The following SRCIN1 variants were observed in gnomAD, a reference collection of about 807,000 sequenced individuals.
SRCIN1 encodes the protein P130Cas-associated protein.
Under a neutral mutation model 116.2 loss-of-function variants are expected in SRCIN1, and 50 were observed. The ratio of observed to expected loss-of-function variants is 0.43; its 90% confidence interval spans 0.34 to 0.54. The LOEUF is 0.54. Ranked by LOEUF, SRCIN1 falls within the 20% of genes least tolerant of loss-of-function variation. The pLI, the probability that SRCIN1 is intolerant of heterozygous loss-of-function variation, is 0.02. For synonymous variants in SRCIN1, 736 were observed against 750.0 expected (o/e 0.98, Z 0.30); for missense variants, 1,446 against 1,672.0 (o/e 0.86, Z 2.36).
In SRCIN1 at chr17:38,564,245, G is replaced by A. The variant is rs763622046; in HGVS notation, c.414C>T (p.Tyr138=). 5 of 1,577,276 alleles carry A rather than the reference G, an allele frequency of 3.2e-6. No individual in the cohort carries two copies. The highest frequency in any genetic ancestry group is 2.3e-5 in the East Asian group (1 of 43,002). ...TGGTCTCCAGCGACTCGGCGGAGGC[G>A]TAGGACAGCTTTGCCGCCTGGTCTG... ...GLADQAAKLS[Y]ASAESLETMS... Residue 138 remains tyrosine, a synonymous_variant, in exon 4 of 19, where the codon TAC becomes TAT. Transcript: ENST00000617146.
At chr17:38,577,760 A>G (rs1907504575) in intron 2 of SRCIN1, among the ~76,000 whole-genome samples, 1 of 152,212 alleles carries the variant, frequency 6.6e-6, no homozygotes, top group South Asian at 2.1e-4. Context: ...GGAGAGATGC[A>G]TTCAGGACCC....
Position 38,568,821 on chromosome 17 carries a change from G to T in SRCIN1, c.325-590C>A, listed in dbSNP as rs1485586099. 6.6e-6 allele frequency among the ~76,000 whole-genome samples: 1 copy of T among 151,944 alleles called. No individual in the cohort carries two copies. Among genetic ancestry groups the T allele is most frequent in the Admixed American group, 6.6e-5 (1 of 15,246 alleles). ...GAGTGGTCATAACTGCTGAGAGAAA[G>T]TATTTAGACTTAACTGGGTGGACAA... On this transcript the variant is annotated intron_variant, in intron 2 of 18. Transcript: ENST00000617146. The surrounding 1 kb of genome is among the most constrained non-coding windows in gnomAD (Gnocchi z 4.5).
chr17:38,600,308 C>T (rs947642184), intron 1 of SRCIN1, among the ~76,000 whole-genome samples: 15 of 152,192 alleles, frequency 9.9e-5, no homozygotes, highest in Non-Finnish European at 1.6e-4. Flanking sequence ...CCAAGGCATG[C>T]GAAGAGGCTC....
At chr17:38,569,982 A>G (rs1906971942) in intron 2 of SRCIN1, among the ~76,000 whole-genome samples, 1 of 152,152 alleles carries the variant, frequency 6.6e-6, no homozygotes, top group Non-Finnish European at 1.5e-5. Context: ...CGCTCTGCAG[A>G]GAAGGCCTCA....
chr17:38,583,800 G>A lies in SRCIN1; in HGVS notation c.23-5009C>T, dbSNP rs9904892. On this transcript the variant is annotated intron_variant, in intron 1 of 18. Coordinates refer to ENST00000617146, the MANE Select transcript of SRCIN1 (RefSeq NM_025248.3). ...ACGCCTGACCTCAGGTGATCCGCCC[G>A]CCTCGGCCTCCCAAAGTGCTGGGAT... Among the ~76,000 whole-genome samples the A allele has an allele frequency of 3.6e-3, 550 of 152,122 alleles. 2 individuals are homozygous for A. The highest frequency in any genetic ancestry group is 0.013 in the African/African-American group (534 of 41,532).
At chr17:38,545,096 C>A (rs922301246) in intron 17 of SRCIN1, 6 of 152,746 alleles carry the variant, frequency 3.9e-5, no homozygotes, top group African/African-American at 1.4e-4. Flanking sequence ...TTGAGGATCT[C>A]CTCTGGGTAG....
chr17:38,543,979 G>C lies in SRCIN1; in HGVS notation c.3271-10C>G. On this transcript the variant is annotated splice_polypyrimidine_tract_variant and intron_variant, in intron 17 of 18. Coordinates refer to ENST00000617146, the MANE Select transcript of SRCIN1 (RefSeq NM_025248.3). ...CACTGCCTCCGCCACTCTGCAGGAA[G>C]AGGAACAGGGTTGCAGTTGCAGAGT... is the stretch of plus-strand genomic sequence containing the variant. 6.4e-7 allele frequency: 1 copy of C among 1,574,532 alleles called. No individual in the cohort carries two copies. Among genetic ancestry groups the C allele is most frequent in the Non-Finnish European group, 8.6e-7 (1 of 1,166,442 alleles).
chr17:38,603,657 G>A (rs1909191871), intron 1 of SRCIN1, among the ~76,000 whole-genome samples: 1 of 152,180 alleles, frequency 6.6e-6, no homozygotes, highest in African/African-American at 2.4e-5. Flanking sequence ...CCCCAAGGCA[G>A]GGTGGCAGGA....
rs772038151 is a variant in SRCIN1 at position 38,563,279 on chromosome 17, G to C, written c.740+44C>G. The C allele has an allele frequency of 4.5e-6, 7 of 1,548,682 alleles. No individual in the cohort carries two copies. Among genetic ancestry groups the C allele is most frequent in the Non-Finnish European group, 8.7e-7 (1 of 1,145,282 alleles). The stretch of plus-strand genomic sequence containing the variant: ...CGGGGTCCAGCACCCTGCAGAGGAG[G>C]AGCGTGGGGAAGCCCACCCAAATCC... On this transcript the variant is annotated intron_variant, in intron 5 of 18. Coordinates refer to ENST00000617146, the MANE Select transcript of SRCIN1 (RefSeq NM_025248.3). This position sits in a 1 kb window ranked among gnomAD's most constrained non-coding sequence, Gnocchi z 5.8.
chr17:38,548,560 T>A lies in SRCIN1; in HGVS notation c.3267A>T (p.Leu1089=). The change falls in exon 17 of 19, where the codon CTA becomes CTT. Residue 1089 remains leucine (L), a synonymous_variant. Coordinates refer to ENST00000617146, the MANE Select transcript of SRCIN1 (RefSeq NM_025248.3). The part of the protein sequence containing the change: ...EDDEDRIIAE[L]ESGGGSVPPM... ...GGCCAGGTGTGCCCTGACCTACCTCTAGCTCTGCGATGATGCGATCCTCGT... is the reference window on the plus strand; with the variant it reads ...GGCCAGGTGTGCCCTGACCTACCTCAAGCTCTGCGATGATGCGATCCTCGT... The A allele has an allele frequency of 1.2e-6, 2 of 1,611,080 alleles. No homozygotes were observed. The highest frequency in any genetic ancestry group is 1.7e-6 in the Non-Finnish European group (2 of 1,179,758).
At chr17:38,576,964 T>A (rs1907456031) in intron 2 of SRCIN1, among the ~76,000 whole-genome samples, 1 of 152,014 alleles carries the variant, frequency 6.6e-6, no homozygotes, top group South Asian at 2.1e-4. Flanking sequence ...ACTTTTTCAG[T>A]CAGCTCCCAC....
rs1439827175 is a variant in SRCIN1 at position 38,572,234 on chromosome 17, C to T, written c.325-4003G>A. On this transcript the variant is annotated intron_variant, in intron 2 of 18. Coordinates refer to ENST00000617146, the MANE Select transcript of SRCIN1 (RefSeq NM_025248.3). The surrounding 1 kb of genome is among the most constrained non-coding windows in gnomAD (Gnocchi z 4.3). ...CGAGTCAGCGTAAACACTCGTCCCC[C>T]GGGCTGGGGCTAAGCCACTCGCCCC... 1.3e-5 allele frequency among the ~76,000 whole-genome samples: 2 copies of T among 152,224 alleles called. No individual in the cohort carries two copies. The highest frequency in any genetic ancestry group is 4.8e-5 in the African/African-American group (2 of 41,464).
chr17:38,563,010 G>T lies in SRCIN1; in HGVS notation c.741-90C>A. On this transcript the variant is annotated intron_variant, in intron 5 of 18. Transcript: ENST00000617146. This position sits in a 1 kb window ranked among gnomAD's most constrained non-coding sequence, Gnocchi z 5.8. ...GCTACTCCAGGCCTAGAGAAGAGGG[G>T]TGGCCAGAGGCACCGGGAGCCCCAT... is the stretch of plus-strand genomic sequence containing the variant. 8.9e-7 allele frequency: 1 copy of T among 1,117,910 alleles called. No homozygotes were observed. Among genetic ancestry groups the T allele is most frequent in the Non-Finnish European group, 1.3e-6 (1 of 760,046 alleles). The allele number at this position is 1,117,910 out of a possible 1,614,324, so 69.2% of individuals were successfully genotyped here.
intron 18 of SRCIN1, among the ~76,000 whole-genome samples, 185 bp downstream of exon 18, chr17:38,543,638 G>GGGATC: frequency 6.6e-6 from 1 of 152,188 alleles, no homozygotes; most frequent in Non-Finnish European, 1.5e-5. Flanking sequence ...CCAAAGCTCC[G>GGGATC]GGATCGGGAG....
At chr17:38,591,017 A>C (rs1908411830) in intron 1 of SRCIN1, among the ~76,000 whole-genome samples, 1 of 152,172 alleles carries the variant, frequency 6.6e-6, no homozygotes, top group Admixed American at 6.5e-5. Flanking sequence ...AGATCACAGA[A>C]ACTTAGGCTG....
rs1339898937 is a variant in SRCIN1, at chr17:38,530,123, G to C, written c.*3174C>G. On this transcript the variant is annotated 3_prime_UTR_variant, in exon 19 of 19. Coordinates refer to ENST00000617146, the MANE Select transcript of SRCIN1 (RefSeq NM_025248.3). ...GCAGGGAGCGGGGGAGAAGAAAAAA[G>C]GACATTAAAAAAGAGAGACAGAGAA... 1 of 152,236 alleles carries C rather than the reference G, an allele frequency of 6.6e-6. No individual in the cohort carries two copies. The highest frequency in any genetic ancestry group is 1.5e-5 in the Non-Finnish European group (1 of 68,060). 9.4% of individuals were successfully genotyped at this position (152,236 alleles called of 1,614,324 possible). A position where few individuals can be genotyped will look rare whatever the true frequency, so the allele number is the denominator to read the frequency against.
chr17:38,580,690 G>A (rs1184673537), intron 1 of SRCIN1, among the ~76,000 whole-genome samples: 1 of 152,098 alleles, frequency 6.6e-6, no homozygotes. Context: ...TCACTGACCT[G>A]CTGCTATCCC....
chr17:38,566,239 G>A (rs963367065), intron 3 of SRCIN1, among the ~76,000 whole-genome samples: 2 of 152,152 alleles, frequency 1.3e-5, no homozygotes, highest in African/African-American at 4.8e-5. Flanking sequence ...AGGGATCCTG[G>A]GGGTTGCTGC....
chr17:38,543,228 C>T (rs2144901963), intron 18 of SRCIN1: 1 of 456,570 alleles, frequency 2.2e-6, no homozygotes, highest in Non-Finnish European at 4.4e-6. Context: ...CCCAACCTTG[C>T]AAAGACGGGA....
Sources: gnomAD v4.1 joint callset for allele counts (sites outside exome capture counted in the v4.1 genomes callset) on GRCh38, gnomAD v4.1.1 for gene constraint, Gnocchi (gnomAD v3.1) non-coding constraint, MANE v1.5 for transcripts, NCBI Gene and HGNC (gene_info 2026-07-23, HGNC 2026-07-21) for gene names.